MTAP: variants seen among roughly 807,000 people sequenced by gnomAD.
The protein encoded by MTAP is S-methyl-5'-thioadenosine phosphorylase.
In MTAP, 33 loss-of-function variants were observed where a neutral mutation model predicts 33.6. The ratio of observed to expected loss-of-function variants is 0.98; its 90% CI spans 0.74 to 1.31. The LOEUF (loss-of-function observed/expected upper bound fraction) is 1.31, where lower values mean the gene tolerates loss of function less well. Ranked by LOEUF, MTAP falls within the 40% of genes most tolerant of loss-of-function variation. The probability of loss-of-function intolerance (pLI) is 0.00; values close to 1 mark genes in which losing one functional copy is unlikely to be tolerated. For missense variants in MTAP, 367 were observed against 360.0 expected (o/e 1.02, Z -0.16); for synonymous variants, 148 against 125.7 (o/e 1.18, Z -1.19).
chr9:21,902,094 A>G (rs1818402033), intron 1 of MTAP, among the ~76,000 whole-genome samples: 1 of 152,350 alleles, frequency 6.6e-6, no homozygotes, highest in African/African-American at 2.4e-5. Context: ...GCAAAAGAGT[A>G]ATTCGCTAAA....
intron 1 of MTAP, among the ~76,000 whole-genome samples, chr9:21,809,608 C>T (rs943352012): frequency 6.7e-5 from 10 of 149,892 alleles, no homozygotes; most frequent in African/African-American, 2.5e-4. Context: ...CACTGCACTC[C>T]AGCCTGGGCG....
chr9:21,928,165 G>A (rs1249684352), intron 1 of MTAP, among the ~76,000 whole-genome samples: 1 of 152,186 alleles, frequency 6.6e-6, no homozygotes. Flanking sequence ...GTACATGTTG[G>A]GAGAACTTCT....
downstream of MTAP, chr9:21,933,887 G>A (rs1587308246): frequency 6.6e-6 from 1 of 152,130 alleles, no homozygotes; most frequent in East Asian, 1.9e-4. Context: ...TAAAGAAAAA[G>A]CACTTATACA....
intron 5 of MTAP, among the ~76,000 whole-genome samples, chr9:21,841,080 C>T (rs1372589636): frequency 6.6e-6 from 1 of 152,210 alleles, no homozygotes; most frequent in African/African-American, 2.4e-5. Flanking sequence ...CAATTTCCCA[C>T]AGTGTCTGCA....
At chr9:21,823,671 TG>T (rs1016350037) in intron 4 of MTAP, among the ~76,000 whole-genome samples, 68 of 152,352 alleles carry the variant, frequency 4.5e-4, no homozygotes, top group African/African-American at 1.6e-3. Context: ...CTTGCTAGAT[TG>T]GGGAAGTTCT....
rs147623140 is a variant in MTAP at position 21,809,361 on chromosome 9, C to T, written c.34-6072C>T. On this transcript the variant is annotated intron_variant, in intron 1 of 7. Coordinates refer to ENST00000644715, the MANE Select transcript of MTAP (RefSeq NM_002451.4). ...TTTTAAAAATTTATGGTCTAGGGGC[C>T]GGGCGCGGTGGCTCATGCCTGTAAT... Among the ~76,000 whole-genome samples the T allele has an allele frequency of 1.9e-3, 282 of 152,198 alleles. 1 individual carries two copies. The highest frequency in any genetic ancestry group is 6.5e-3 in the African/African-American group (269 of 41,520).
intron 1 of MTAP, among the ~76,000 whole-genome samples, chr9:21,911,912 GA>G (rs1315914917): frequency 1.3e-5 from 2 of 152,034 alleles, no homozygotes; most frequent in East Asian, 3.8e-4. Flanking sequence ...AAAGAGAGAA[GA>G]ATCAAATAGA....
intron 5 of MTAP, among the ~76,000 whole-genome samples, chr9:21,848,680 G>A (rs763823336): frequency 5.3e-5 from 8 of 152,104 alleles, no homozygotes; most frequent in Non-Finnish European, 1.0e-4. Context: ...ATATGCCCTT[G>A]ACCAATGCCT....
intron 1 of MTAP, among the ~76,000 whole-genome samples, chr9:21,872,628 C>T (rs562191294): frequency 1.9e-4 from 29 of 152,206 alleles, no homozygotes; most frequent in Middle Eastern, 3.4e-3. Flanking sequence ...TTCCCTTTTG[C>T]ATAGTATCTT....
intron 4 of MTAP, among the ~76,000 whole-genome samples, chr9:21,821,259 G>C (rs1309246511): frequency 6.6e-6 from 1 of 152,052 alleles, no homozygotes; most frequent in Non-Finnish European, 1.5e-5. Flanking sequence ...TTGGCTGTGG[G>C]GTTGTCATAA....
At chr9:21,918,304 C>A (rs1313357160) in intron 1 of MTAP, among the ~76,000 whole-genome samples, 1 of 121,856 alleles carries the variant, frequency 8.2e-6, no homozygotes, top group Non-Finnish European at 1.6e-5. Flanking sequence ...GAGCAGAGAT[C>A]CCGCCACTGC....
At chr9:21,923,063 C>T (rs905666258) in intron 1 of MTAP, among the ~76,000 whole-genome samples, 3 of 152,216 alleles carry the variant, frequency 2.0e-5, no homozygotes, top group African/African-American at 7.2e-5. Flanking sequence ...TGTCTCTCTT[C>T]TTTCACTTTG....
downstream of MTAP, among the ~76,000 whole-genome samples, chr9:21,870,503 T>G (rs548734637): frequency 2.6e-5 from 4 of 152,304 alleles, no homozygotes; most frequent in Middle Eastern, 3.4e-3. Flanking sequence ...TACTCCAGCC[T>G]CTTTCTCACC....
intron 1 of MTAP, among the ~76,000 whole-genome samples, chr9:21,881,274 A>G (rs373658102): frequency 6.6e-6 from 1 of 152,114 alleles, no homozygotes; most frequent in Non-Finnish European, 1.5e-5. Context: ...TTAATAACTT[A>G]AACACAAGAC....
chr9:21,886,536 T>C (rs1818114274), intron 1 of MTAP, among the ~76,000 whole-genome samples: 1 of 152,202 alleles, frequency 6.6e-6, no homozygotes, highest in Non-Finnish European at 1.5e-5. Flanking sequence ...TAAGCCAATG[T>C]CTAGAAGGGT....
In MTAP at chr9:21,866,572, G is replaced by A. The variant is rs1825856688; in HGVS notation, c.*4558G>A. Reference sequence around the variant, plus strand: ...AAATTTACTGTTTATCTGTGAATCTGGATGATCTATTTATGTCATTTATCT... The same window carrying A: ...AAATTTACTGTTTATCTGTGAATCTAGATGATCTATTTATGTCATTTATCT... On this transcript the variant is annotated 3_prime_UTR_variant, in exon 8 of 8. Transcript: ENST00000644715. 1 of 151,972 alleles carries A rather than the reference G, an allele frequency of 6.6e-6. No homozygotes were observed. Among genetic ancestry groups the A allele is most frequent in the Non-Finnish European group, 1.5e-5 (1 of 67,958 alleles). 9.4% of individuals were successfully genotyped at this position (151,972 alleles called of 1,614,324 possible).
At chr9:21,869,422 C>T (rs1343074845), downstream of MTAP, among the ~76,000 whole-genome samples, 4 of 152,172 alleles carry the variant, frequency 2.6e-5, no homozygotes, top group African/African-American at 9.7e-5. Context: ...TCCAAGGACA[C>T]CACACTCTTG....
At chr9:21,847,589 TCA>T in intron 5 of MTAP, among the ~76,000 whole-genome samples, 1 of 152,198 alleles carries the variant, frequency 6.6e-6, no homozygotes. Flanking sequence ...ATATGTGGAA[TCA>T]CCCTTAGTGA....
rs940267663 is a variant in MTAP at position 21,854,707 on chromosome 9, G to T, written c.527G>T (p.Arg176Leu). The change falls in exon 6 of 8, where the codon CGT (arginine) becomes CTT (leucine). Residue 176 changes from arginine to leucine, a missense_variant. Transcript: ENST00000644715. The stretch of plus-strand genomic sequence containing the variant: ...ACAATGGTCACAATCGAGGGACCTC[G>T]TTTTAGCTCCCGGGCAGAAAGCTTC... ...KGTMVTIEGPRFSSRAESFMF... is the reference protein window; with the variant it reads ...KGTMVTIEGPLFSSRAESFMF... 1 of 1,614,122 alleles carries T rather than the reference G, an allele frequency of 6.2e-7. No homozygotes were observed. The highest frequency in any genetic ancestry group is 8.5e-7 in the Non-Finnish European group (1 of 1,179,970).
Sources: gnomAD v4.1 joint callset for allele counts (sites outside exome capture counted in the v4.1 genomes callset) on GRCh38, gnomAD v4.1.1 for gene constraint, MANE v1.5 for transcripts, NCBI Gene and HGNC (gene_info 2026-07-23, HGNC 2026-07-21) for gene names.